Variants in CPEB3 observed in about 807,000 individuals in gnomAD.
CPEB3 encodes the protein cytoplasmic polyadenylation element binding protein 3, also known as cytoplasmic polyadenylation element-binding protein 3.
CPEB3 carries 20 observed loss-of-function variants against 67.2 expected under a neutral mutation model. The ratio of observed to expected loss-of-function variants is 0.30; its 90% CI spans 0.21 to 0.43. CPEB3 has a LOEUF of 0.43. Among genes scored for constraint, CPEB3 ranks in the 20% least tolerant of loss-of-function variants. The probability of loss-of-function intolerance (pLI) is 1.00; values close to 1 mark genes in which losing one functional copy is unlikely to be tolerated. For synonymous variants in CPEB3, 376 were observed against 393.1 expected (o/e 0.96, Z 0.51); for missense variants, 746 against 968.6 (o/e 0.77, Z 3.05).
chr10:92,205,637 C>T (rs926955396), intron 2 of CPEB3, among the ~76,000 whole-genome samples: 2 of 151,764 alleles, frequency 1.3e-5, no homozygotes, highest in Non-Finnish European at 1.5e-5. Flanking sequence ...CCATGATGCC[C>T]AGCTAATTTT....
At chr10:92,148,575 T>C (rs551547615) in intron 4 of CPEB3, among the ~76,000 whole-genome samples, 1 of 152,312 alleles carries the variant, frequency 6.6e-6, no homozygotes, top group Middle Eastern at 3.4e-3. Context: ...CTAACCCTAT[T>C]AAATTGTAAA....
chr10:92,126,653 TTATC>T (rs1454878119), intron 6 of CPEB3, among the ~76,000 whole-genome samples: 4 of 152,204 alleles, frequency 2.6e-5, no homozygotes, highest in Non-Finnish European at 5.9e-5. Context: ...AATAACAGCA[TTATC>T]TATCAGATTA....
rs750482213 is a variant in CPEB3, at chr10:92,204,836, CTTTTTT to C, written c.1006-12206_1006-12201del. 2.4e-5 allele frequency among the ~76,000 whole-genome samples: 3 copies of C among 125,056 alleles called. 1 individual carries two copies. The highest frequency in any genetic ancestry group is 6.1e-5 in the African/African-American group (2 of 32,592). The allele number at this position is 125,056 out of a possible 152,430, so 82.0% of individuals were successfully genotyped here. ...TCAAAAGCCAAAACTATCTTAACCA[CTTTTTT>C]TTTTTTTTTTTTTTTTGAGACAGAG... On this transcript the variant is annotated intron_variant, in intron 2 of 9. Coordinates refer to ENST00000265997, the MANE Select transcript of CPEB3 (RefSeq NM_014912.5).
intron 9 of CPEB3, among the ~76,000 whole-genome samples, chr10:92,074,949 C>T (rs1224361423): frequency 3.5e-5 from 5 of 141,544 alleles, no homozygotes. Flanking sequence ...CCAGTCCTTA[C>T]CCTCCTATAT....
chr10:92,270,419 A>C (rs1853253879), intron 1 of CPEB3, among the ~76,000 whole-genome samples: 1 of 152,144 alleles, frequency 6.6e-6, no homozygotes, highest in Non-Finnish European at 1.5e-5. Flanking sequence ...GAGGTGATAC[A>C]TTCATGAAAC....
chr10:92,092,018 A>C, intron 7 of CPEB3, 74 bp from the exon 8 acceptor site: 1 of 888,684 alleles, frequency 1.1e-6, no homozygotes, highest in African/African-American at 1.7e-5. Context: ...GACTAAAGAC[A>C]AACCCACTGA....
chr10:92,160,355 C>A (rs1203726687), intron 4 of CPEB3, among the ~76,000 whole-genome samples: 1 of 152,150 alleles, frequency 6.6e-6, no homozygotes, highest in Non-Finnish European at 1.5e-5. Flanking sequence ...TTATTTGGCA[C>A]CTTGAATTCC....
chr10:92,243,240 G>A (rs1331939037), intron 1 of CPEB3: 1 of 152,148 alleles, frequency 6.6e-6, no homozygotes, highest in East Asian at 1.9e-4. Flanking sequence ...CTTTCAGGTT[G>A]ATTATGTGAC....
rs889593162 is a variant in CPEB3, at chr10:92,264,557, A to G, written c.-11-24196T>C. 2.0e-5 allele frequency among the ~76,000 whole-genome samples: 3 copies of G among 152,108 alleles called. No individual in the cohort carries two copies. The South Asian group carries it at 6.2e-4, about 32-fold the overall frequency. Reference sequence around the variant, plus strand: ...TGGTAATCATGTTTTTTCTCAATCAAAAGTCAGGCTTAGCCTGGCATGGTG... The same window carrying G: ...TGGTAATCATGTTTTTTCTCAATCAGAAGTCAGGCTTAGCCTGGCATGGTG... On this transcript the variant is annotated intron_variant, in intron 1 of 9. Coordinates refer to ENST00000265997, the MANE Select transcript of CPEB3 (RefSeq NM_014912.5).
chr10:92,250,368 G>A (rs1393499271), intron 1 of CPEB3, among the ~76,000 whole-genome samples: 3 of 151,862 alleles, frequency 2.0e-5, no homozygotes, highest in Non-Finnish European at 4.4e-5. Context: ...ATTTATAGGC[G>A]TGAGCCACTG....
At chr10:92,123,007 TACG>T (rs1422505919) in intron 6 of CPEB3, among the ~76,000 whole-genome samples, 1 of 152,248 alleles carries the variant, frequency 6.6e-6, no homozygotes, top group African/African-American at 2.4e-5. Context: ...TTGTGTTTTC[TACG>T]ACACTACCAA....
At chr10:92,211,889 C>T (rs921330653) in intron 2 of CPEB3, among the ~76,000 whole-genome samples, 2 of 150,032 alleles carry the variant, frequency 1.3e-5, no homozygotes, top group Non-Finnish European at 3.0e-5. Context: ...TTTTTTGAGA[C>T]GGAGTTTCAC....
In CPEB3 at chr10:92,100,568, G is replaced by A. The variant is rs965704542; in HGVS notation, c.1573-8624C>T. ...TGGGATTACAGGCATGAGCCACCAC[G>A]CCCAGCCAATAAGAATGGTTTTTGT... On this transcript the variant is annotated intron_variant, in intron 7 of 9. Coordinates refer to ENST00000265997, the MANE Select transcript of CPEB3 (RefSeq NM_014912.5). 4.6e-5 allele frequency among the ~76,000 whole-genome samples: 7 copies of A among 151,926 alleles called. No individual in the cohort carries two copies. In the East Asian group the frequency reaches 7.7e-4, roughly 17 times the overall value.
chr10:92,143,082 A>G lies in CPEB3; in HGVS notation c.1400T>C (p.Leu467Pro), dbSNP rs774058842. The G allele has an allele frequency of 6.2e-7, 1 of 1,613,816 alleles. No individual in the cohort carries two copies. Among genetic ancestry groups the G allele is most frequent in the Non-Finnish European group, 8.5e-7 (1 of 1,179,842 alleles). The change falls in exon 6 of 10, where the codon CTC (leucine) becomes CCC (proline). Residue 467 changes from leucine (L) to proline (P), a missense_variant. Coordinates refer to ENST00000265997, the MANE Select transcript of CPEB3 (RefSeq NM_014912.5). ...AGCTTTGTGAGGCCAGTCTACTACG[A>G]GAGGTCCAAACCTGCGAAAGCTGGC... ...ITASFRRFGP[L>P]VVDWPHKAES...
intron 9 of CPEB3, among the ~76,000 whole-genome samples, chr10:92,064,713 G>A (rs1331779286): frequency 2.6e-5 from 4 of 152,186 alleles, no homozygotes; most frequent in Non-Finnish European, 4.4e-5. Flanking sequence ...CTGGCTGAAA[G>A]GAGGCCATGA....
intron 6 of CPEB3, among the ~76,000 whole-genome samples, chr10:92,134,538 T>C (rs1845996808): frequency 6.6e-6 from 1 of 151,842 alleles, no homozygotes; most frequent in Non-Finnish European, 1.5e-5. Flanking sequence ...GGAAGAACAT[T>C]CCATACTCAT....
intron 9 of CPEB3, among the ~76,000 whole-genome samples, chr10:92,052,913 G>A (rs1285897971): frequency 6.6e-6 from 1 of 152,216 alleles, no homozygotes; most frequent in Non-Finnish European, 1.5e-5. Flanking sequence ...TAAGCAGGAG[G>A]AGGCAGGCAC....
chr10:92,065,596 G>C (rs1451689379), intron 9 of CPEB3, among the ~76,000 whole-genome samples: 1 of 152,114 alleles, frequency 6.6e-6, no homozygotes, highest in Non-Finnish European at 1.5e-5. Flanking sequence ...TTCAACCCCA[G>C]TTCACTGTTT....
chr10:92,094,089 A>G (rs1843742636), intron 7 of CPEB3, among the ~76,000 whole-genome samples: 1 of 151,910 alleles, frequency 6.6e-6, no homozygotes, highest in Non-Finnish European at 1.5e-5. Context: ...TCTTGACCTC[A>G]AGGGATCCGC....
Sources: allele counts gnomAD v4.1 joint callset (sites outside exome capture counted in the v4.1 genomes callset), GRCh38; gene constraint gnomAD v4.1.1; transcripts MANE v1.5; gene names NCBI Gene and HGNC (gene_info 2026-07-23, HGNC 2026-07-21).